The following FOXP2 variants were observed in gnomAD, a reference collection of about 807,000 sequenced individuals.
FOXP2 encodes forkhead box P2.
FOXP2 carries 12 observed loss-of-function variants against 115.8 expected under a neutral mutation model. The observed-to-expected ratio is 0.10, with a 90% CI of 0.07 to 0.17. The LOEUF (loss-of-function observed/expected upper bound fraction) is 0.17. Ranked by LOEUF, FOXP2 falls within the 10% of genes least tolerant of loss-of-function variation. The probability of loss-of-function intolerance (pLI) is 1.00; values close to 1 mark genes in which losing one functional copy is unlikely to be tolerated. For synonymous variants in FOXP2, 328 were observed against 297.7 expected, an observed-to-expected ratio of 1.10 and a Z score of -1.05; for missense variants, 629 against 843.5, an observed-to-expected ratio of 0.75 and a Z score of 3.15.
chr7:114,378,703 G>GAAAAAAAAAAAAAAAAAAAAAAAAAAAAA (rs1792203473), intron 2 of FOXP2, among the ~76,000 whole-genome samples: 4 of 36,252 alleles, frequency 1.1e-4, no homozygotes, highest in East Asian at 7.0e-4. Flanking sequence ...AAAAAAAAAG[G>GAAAAAAAAAAAAAAAAAAAAAAAAAAAAA]AAAAGAAAAA....
At chr7:114,300,049 TAC>T (rs918511713) in intron 2 of FOXP2, among the ~76,000 whole-genome samples, 1 of 151,268 alleles carries the variant, frequency 6.6e-6, no homozygotes, top group Non-Finnish European at 1.5e-5. Context: ...CACACACACG[TAC>T]ACACACTCAC....
chr7:114,603,727 T>A (rs1474960847), intron 3 of FOXP2, among the ~76,000 whole-genome samples: 1 of 152,206 alleles, frequency 6.6e-6, no homozygotes, highest in African/African-American at 2.4e-5. Flanking sequence ...TAATTTTGCT[T>A]ACAAAAATTT....
At chr7:114,277,118 C>T (rs1459926870) in intron 1 of FOXP2, among the ~76,000 whole-genome samples, 1 of 152,116 alleles carries the variant, frequency 6.6e-6, no homozygotes, top group African/African-American at 2.4e-5. Context: ...AAATAATTAA[C>T]CTCATCAGGA....
intron 2 of FOXP2, among the ~76,000 whole-genome samples, chr7:114,365,464 A>G (rs1328418526): frequency 2.0e-5 from 3 of 152,156 alleles, no homozygotes; most frequent in Non-Finnish European, 4.4e-5. Flanking sequence ...ATAAATGTTA[A>G]AACTGAGCAC....
At position 114,497,180 on chromosome 7, in the gene FOXP2, G is replaced by A. The variant is rs140025160; in HGVS notation, c.169-37437G>A. Among the ~76,000 whole-genome samples the A allele has an allele frequency of 6.5e-3, 995 of 152,276 alleles. 5 individuals carry two copies. Among genetic ancestry groups the A allele is most frequent in the Non-Finnish European group, 0.01 (704 of 68,028 alleles). On this transcript the variant is annotated intron_variant, in intron 2 of 16. Coordinates refer to ENST00000350908, the MANE Select transcript of FOXP2 (RefSeq NM_014491.4). ...ACTGACACACTCATAGTAAAATAAT[G>A]TTGCTAGTAGCACAGTAGCAGAGTT...
intron 3 of FOXP2, among the ~76,000 whole-genome samples, chr7:114,561,674 T>A (rs1404573941): frequency 6.6e-6 from 1 of 152,230 alleles, no homozygotes; most frequent in African/African-American, 2.4e-5. Context: ...TTTAAAACTT[T>A]ACACTAATCC....
chr7:114,386,129 A>G (rs115142989), intron 2 of FOXP2, among the ~76,000 whole-genome samples: 1,852 of 152,262 alleles, frequency 0.012, 38 homozygotes, highest in African/African-American at 0.042. Context: ...CCGGATCCAG[A>G]GGGATGGGAG....
intron 2 of FOXP2, among the ~76,000 whole-genome samples, chr7:114,482,842 T>C (rs1193517276): frequency 1.3e-5 from 2 of 151,716 alleles, no homozygotes; most frequent in Non-Finnish European, 3.0e-5. Flanking sequence ...GACATGGTTT[T>C]AATGTTGCCA....
At chr7:114,220,152 G>T (rs1285974275) in intron 1 of FOXP2, among the ~76,000 whole-genome samples, 4 of 151,184 alleles carry the variant, frequency 2.6e-5, no homozygotes, top group East Asian at 3.9e-4. Flanking sequence ...TAGAGCCACC[G>T]TTCCTGGCCC....
chr7:114,663,778 G>A lies in FOXP2; in HGVS notation c.1839+259G>A, dbSNP rs4730637. Among the ~76,000 whole-genome samples the A allele has an allele frequency of 0.33, 50,443 of 151,980 alleles. 9,843 individuals carry two copies. The highest frequency in any genetic ancestry group is 0.45 in the Non-Finnish European group (30,724 of 67,924). On this transcript the variant is annotated intron_variant, in intron 15 of 16. Coordinates refer to ENST00000350908, the MANE Select transcript of FOXP2 (RefSeq NM_014491.4). ...GCTAGATTGATAGAAGCTTTTGCAA[G>A]TGCATGTGGCTATGCATTAATATTT...
At chr7:114,207,325 T>C (rs1356450298) in intron 1 of FOXP2, among the ~76,000 whole-genome samples, 1 of 152,216 alleles carries the variant, frequency 6.6e-6, no homozygotes, top group Non-Finnish European at 1.5e-5. Context: ...TTAGGAGTCA[T>C]ATAATTTTAT....
chr7:114,438,970 T>G lies in FOXP2; in HGVS notation c.168+12291T>G, dbSNP rs546837697. Among the ~76,000 whole-genome samples, 6 of 152,324 alleles carry G rather than the reference T, an allele frequency of 3.9e-5. No individual in the cohort carries two copies. The South Asian group carries it at 1.2e-3, about 32-fold the overall frequency. ...CTGAGAAGACATTGTTAGATTTTTG[T>G]TTTTAAAGTTAAAATAGTTGAAGAA... On this transcript the variant is annotated intron_variant, in intron 2 of 16. Transcript: ENST00000350908.
rs1469068845 is a variant in FOXP2, at chr7:114,186,320, C to A, written c.-102+23232C>A. Among the ~76,000 whole-genome samples, 3 of 152,134 alleles carry A rather than the reference C, an allele frequency of 2.0e-5. No homozygotes were observed. In the East Asian group the frequency reaches 5.8e-4, roughly 29 times the overall value. ...GGGTGAGACTCAAGGCACCATTCAT[C>A]TTGAGGCAAATTTCCCTCTTGGAAT... On this transcript the variant is annotated intron_variant, in intron 1 of 17. Coordinates refer to the FOXP2 transcript ENST00000634411.
chr7:114,184,505 C>T (rs1793542672), intron 1 of FOXP2, among the ~76,000 whole-genome samples: 1 of 152,134 alleles, frequency 6.6e-6, no homozygotes, highest in African/African-American at 2.4e-5. Flanking sequence ...ACACATTAAG[C>T]AATTTTTAGT....
At chr7:114,596,175 A>G (rs1199095944) in intron 3 of FOXP2, among the ~76,000 whole-genome samples, 1 of 152,050 alleles carries the variant, frequency 6.6e-6, no homozygotes, top group Non-Finnish European at 1.5e-5. Flanking sequence ...TTTTTATTAA[A>G]GAGAGAAGTC....
intron 2 of FOXP2, among the ~76,000 whole-genome samples, chr7:114,517,397 A>T (rs1056452832): frequency 3.9e-5 from 6 of 152,106 alleles, no homozygotes; most frequent in African/African-American, 1.4e-4. Context: ...TTTGGGGCTC[A>T]TATCCAAATA....
At chr7:114,121,950 T>G (rs978840322) in intron 1 of FOXP2, among the ~76,000 whole-genome samples, 1 of 152,070 alleles carries the variant, frequency 6.6e-6, no homozygotes, top group East Asian at 1.9e-4. Context: ...CATTGAAATA[T>G]TGATAACTGC....
At chr7:114,575,902 G>A (rs1242639152) in intron 3 of FOXP2, among the ~76,000 whole-genome samples, 2 of 151,740 alleles carry the variant, frequency 1.3e-5, no homozygotes, top group Non-Finnish European at 2.9e-5. Flanking sequence ...TTTTTTCACA[G>A]TACCCTTTTT....
In FOXP2 at chr7:114,256,452, A is replaced by G. The variant is rs1002110564; in HGVS notation, c.-101-31567A>G. Reference sequence around the variant, plus strand: ...TTTTATTTGCATTTCTCTAATGACCATTGATGTTGAGCTTTTTTTCCTGTT... The same window carrying G: ...TTTTATTTGCATTTCTCTAATGACCGTTGATGTTGAGCTTTTTTTCCTGTT... On this transcript the variant is annotated intron_variant, in intron 1 of 17. Transcript: ENST00000634411. Among the ~76,000 whole-genome samples, 40 of 152,118 alleles carry G rather than the reference A, an allele frequency of 2.6e-4. 1 individual carries two copies. The highest frequency in any genetic ancestry group is 9.2e-4 in the African/African-American group (38 of 41,424).
Sources: gnomAD v4.1 joint callset for allele counts (sites outside exome capture counted in the v4.1 genomes callset) on GRCh38, gnomAD v4.1.1 for gene constraint, MANE v1.5 for transcripts, NCBI Gene and HGNC (gene_info 2026-07-23, HGNC 2026-07-21) for gene names.